PAX5: variants seen among roughly 807,000 people sequenced by gnomAD.
The protein encoded by PAX5 is paired box protein Pax-5.
A neutral mutation model predicts 43.7 loss-of-function variants in PAX5; 9 were observed. The observed-to-expected ratio is 0.21, with a 90% CI of 0.12 to 0.36. The LOEUF (loss-of-function observed/expected upper bound fraction) is 0.36. Among genes scored for constraint, PAX5 ranks in the 10% least tolerant of loss-of-function variants. PAX5 has a pLI of 1.00. For missense variants in PAX5, 383 were observed against 532.7 expected (o/e 0.72, Z 2.77); for synonymous variants, 228 against 214.3 (o/e 1.06, Z -0.56).
chr9:36,953,444 A>C (rs1432771185), intron 6 of PAX5, among the ~76,000 whole-genome samples: 2 of 152,120 alleles, frequency 1.3e-5, no homozygotes, highest in African/African-American at 4.8e-5. Flanking sequence ...TCCTTCCGGC[A>C]ACCTAATTAT....
rs561986492 is a variant in PAX5 at position 36,925,489 on chromosome 9, C to T, written c.781-2005G>A. Among the ~76,000 whole-genome samples the T allele has an allele frequency of 2.0e-5, 3 of 152,224 alleles. No homozygotes were observed. The East Asian group carries it at 5.8e-4, about 29-fold the overall frequency. On this transcript the variant is annotated intron_variant, in intron 6 of 9. Coordinates refer to ENST00000358127, the MANE Select transcript of PAX5 (RefSeq NM_016734.3). The stretch of plus-strand genomic sequence containing the variant: ...CCAATGAAACAGAATCCAGTCCAGA[C>T]CCTGGTCCGTGCACATATGGAACCG...
chr9:36,893,359 G>A (rs1001730561), intron 7 of PAX5: 3 of 152,264 alleles, frequency 2.0e-5, no homozygotes, highest in African/African-American at 7.2e-5. Context: ...GCCTCTCCCA[G>A]GCTGGCATCC....
At chr9:36,928,618 T>C (rs1830851155) in intron 6 of PAX5, among the ~76,000 whole-genome samples, 1 of 152,164 alleles carries the variant, frequency 6.6e-6, no homozygotes, top group Non-Finnish European at 1.5e-5. Flanking sequence ...AAAAATTAAC[T>C]GGGAAGTGTT....
At chr9:37,032,702 C>T (rs1313269954) in intron 1 of PAX5, among the ~76,000 whole-genome samples, 2 of 152,168 alleles carry the variant, frequency 1.3e-5, no homozygotes, top group Admixed American at 6.6e-5. Flanking sequence ...CTTGCCAGGG[C>T]CAAGAGAGTG....
chr9:36,936,622 A>G (rs1456883759), intron 6 of PAX5, among the ~76,000 whole-genome samples: 2 of 152,210 alleles, frequency 1.3e-5, no homozygotes, highest in African/African-American at 2.4e-5. Flanking sequence ...TAAGACTCTC[A>G]TAGTTCACAT....
At chr9:36,963,261 C>T (rs370924366) in intron 6 of PAX5, among the ~76,000 whole-genome samples, 5 of 152,210 alleles carry the variant, frequency 3.3e-5, no homozygotes, top group Non-Finnish European at 5.9e-5. Flanking sequence ...GGCCTGCAGA[C>T]GTGCCTGCTC....
intron 3 of PAX5, among the ~76,000 whole-genome samples, chr9:37,014,475 A>G (rs1163875261): frequency 6.6e-6 from 1 of 152,146 alleles, no homozygotes; most frequent in Non-Finnish European, 1.5e-5. Flanking sequence ...TCAAGGTCCC[A>G]CTTTGAGCTT....
chr9:36,903,819 T>C (rs1180292598), intron 7 of PAX5, among the ~76,000 whole-genome samples: 1 of 152,202 alleles, frequency 6.6e-6, no homozygotes, highest in Non-Finnish European at 1.5e-5. Context: ...TCCCGGCCCC[T>C]ACACGTGGCC....
At chr9:36,937,881 CA>C (rs755983725) in intron 6 of PAX5, among the ~76,000 whole-genome samples, 21 of 152,176 alleles carry the variant, frequency 1.4e-4, no homozygotes, top group Non-Finnish European at 2.8e-4. Context: ...AACATTAGTG[CA>C]AAACAATAGA....
At chr9:36,998,529 T>A (rs553181691) in intron 5 of PAX5, among the ~76,000 whole-genome samples, 1 of 152,346 alleles carries the variant, frequency 6.6e-6, no homozygotes, top group Non-Finnish European at 1.5e-5. Context: ...GAGCACCTAC[T>A]ATGTGCCAAG....
chr9:37,008,355 C>T (rs1838642808), intron 3 of PAX5, among the ~76,000 whole-genome samples: 1 of 152,222 alleles, frequency 6.6e-6, no homozygotes, highest in African/African-American at 2.4e-5. Flanking sequence ...CACTCAGCCT[C>T]CATGTATACA....
intron 7 of PAX5, among the ~76,000 whole-genome samples, chr9:36,921,310 C>G (rs1414943679): frequency 6.6e-6 from 1 of 152,204 alleles, no homozygotes; most frequent in Non-Finnish European, 1.5e-5. Flanking sequence ...CTGCAGAACA[C>G]TCTCCTCTGG....
intron 5 of PAX5, among the ~76,000 whole-genome samples, chr9:36,967,599 C>G (rs144029632): frequency 6.6e-6 from 1 of 152,304 alleles, no homozygotes; most frequent in African/African-American, 2.4e-5. Context: ...TACAGCACAG[C>G]ATGTATAATG....
rs570475806 is a variant in PAX5 at position 36,885,602 on chromosome 9, A to T, written c.911-3497T>A. ...TTGCTCACAGTCACACAGCTAGAAT[A>T]TTAAAAAGCAAGGTTTCAAACCCAG... On this transcript the variant is annotated intron_variant, in intron 7 of 9. Transcript: ENST00000358127. 5.9e-5 allele frequency among the ~76,000 whole-genome samples: 9 copies of T among 152,246 alleles called. No individual in the cohort carries two copies. In the South Asian group the frequency reaches 1.7e-3, roughly 28 times the overall value.
chr9:36,979,485 G>A (rs939979875), intron 5 of PAX5, among the ~76,000 whole-genome samples: 2 of 152,128 alleles, frequency 1.3e-5, no homozygotes, highest in Non-Finnish European at 2.9e-5. Flanking sequence ...GGATAACAGC[G>A]ACAAAATGAT....
Position 36,978,212 on chromosome 9 carries a change from C to T in PAX5, c.605-11488G>A, listed in dbSNP as rs533312276. 2.7e-4 allele frequency among the ~76,000 whole-genome samples: 41 copies of T among 152,374 alleles called. 1 individual carries two copies. In the East Asian group the frequency reaches 3.5e-3, roughly 13 times the overall value. ...GCAAGTCTGTTCTCTCTAATCCATA[C>T]TGTCCAAGTCCATTACCTCATACAG... On this transcript the variant is annotated intron_variant, in intron 5 of 9. Coordinates refer to ENST00000358127, the MANE Select transcript of PAX5 (RefSeq NM_016734.3).
At chr9:36,973,949 A>C (rs528271182) in intron 5 of PAX5, among the ~76,000 whole-genome samples, 7 of 152,254 alleles carry the variant, frequency 4.6e-5, no homozygotes, top group African/African-American at 1.7e-4. Flanking sequence ...GTGGTGAGCC[A>C]AGATCATGCC....
chr9:36,997,121 GC>G, intron 5 of PAX5, among the ~76,000 whole-genome samples: 1 of 152,060 alleles, frequency 6.6e-6, no homozygotes. Context: ...CTGGCTAAAT[GC>G]CCCCCAACAA....
At chr9:36,906,939 G>A (rs1382441742) in intron 7 of PAX5, among the ~76,000 whole-genome samples, 1 of 152,174 alleles carries the variant, frequency 6.6e-6, no homozygotes, top group Non-Finnish European at 1.5e-5. Context: ...CAATTCATAA[G>A]TGGCAGAGCT....
Sources: gnomAD v4.1 joint callset for allele counts (sites outside exome capture counted in the v4.1 genomes callset) on GRCh38, gnomAD v4.1.1 for gene constraint, MANE v1.5 for transcripts, NCBI Gene and HGNC (gene_info 2026-07-23, HGNC 2026-07-21) for gene names.